The following DNAAF4 variants were observed in gnomAD, a reference collection of about 807,000 sequenced individuals.
DNAAF4 encodes dynein axonemal assembly factor 4.
DNAAF4 carries 43 observed loss-of-function variants against 51.8 expected under a neutral mutation model. The observed-to-expected ratio is 0.83, with a 90% CI of 0.65 to 1.07. The LOEUF (loss-of-function observed/expected upper bound fraction) is 1.07, where lower values mean the gene tolerates loss of function less well. Ranked by LOEUF, DNAAF4 falls within the 50% of genes least tolerant of loss-of-function variation. The pLI, the probability that DNAAF4 is intolerant of heterozygous loss-of-function variation, is 0.00. For synonymous variants in DNAAF4, 194 were observed against 165.6 expected (o/e 1.17, Z -1.32); for missense variants, 581 against 493.0 (o/e 1.18, Z -1.69).
chr15:55,433,918 AT>A (rs1324677216), intron 8 of DNAAF4, among the ~76,000 whole-genome samples: 51 of 10,236 alleles, frequency 5.0e-3, no homozygotes, highest in East Asian at 0.018. Context: ...ATATAATTAT[AT>A]ATATTATATT....
intron 6 of DNAAF4, 32 bp downstream of exon 6, chr15:55,450,190 G>C: frequency 6.4e-7 from 1 of 1,552,100 alleles, no homozygotes; most frequent in East Asian, 2.3e-5. Context: ...ATTTTCATTT[G>C]TGGTAATTGT....
chr15:55,503,545 A>G (rs981846787), intron 1 of DNAAF4, among the ~76,000 whole-genome samples: 1 of 152,212 alleles, frequency 6.6e-6, no homozygotes, highest in African/African-American at 2.4e-5. Context: ...GGCAAACCGA[A>G]TCCAGCAGCA....
Position 55,453,080 on chromosome 15 carries a change from C to T in DNAAF4, c.638-2713G>A, listed in dbSNP as rs572151713. ...GATCTCGTGAGCCACCCACCTTGGC[C>T]TCCCAAAGTGCTGGGATTACAGGCA... On this transcript the variant is annotated intron_variant, in intron 5 of 9. Coordinates refer to ENST00000321149, the MANE Select transcript of DNAAF4 (RefSeq NM_130810.4). Among the ~76,000 whole-genome samples the T allele has an allele frequency of 9.2e-5, 14 of 152,280 alleles. 1 individual carries two copies. The South Asian group carries it at 2.9e-3, about 32-fold the overall frequency.
At chr15:55,441,331 A>C (rs1595897553) in intron 6 of DNAAF4, among the ~76,000 whole-genome samples, 1 of 152,146 alleles carries the variant, frequency 6.6e-6, no homozygotes, top group Non-Finnish European at 1.5e-5. Context: ...CGGCCTCCCA[A>C]AGTGCTGGGA....
At chr15:55,428,482 TTC>T (rs1452449882), downstream of DNAAF4, among the ~76,000 whole-genome samples, 6 of 138,398 alleles carry the variant, frequency 4.3e-5, no homozygotes, top group Non-Finnish European at 6.1e-5. Context: ...TGTCTTTTTT[TTC>T]TTTTTTTTTT....
rs1017940359 is a variant in DNAAF4 at position 55,494,060 on chromosome 15, G to A, written c.272-2804C>T. ...TTTTTTTTTTTTGAGACTGAGTTTC[G>A]CTCTTGTTGCCCAGGCTGAAGTGCA... On this transcript the variant is annotated intron_variant, in intron 3 of 9. Transcript: ENST00000321149. 1.8e-4 allele frequency among the ~76,000 whole-genome samples: 27 copies of A among 146,160 alleles called. No homozygotes were observed. The East Asian group carries it at 3.2e-3, about 17-fold the overall frequency.
At chr15:55,470,760 G>C (rs919803294) in intron 4 of DNAAF4, among the ~76,000 whole-genome samples, 2 of 150,882 alleles carry the variant, frequency 1.3e-5, no homozygotes, top group African/African-American at 4.9e-5. Context: ...GCCCAGGCTG[G>C]TCTTGAACTC....
chr15:55,491,524 G>A (rs983233640), intron 3 of DNAAF4, among the ~76,000 whole-genome samples: 1 of 150,908 alleles, frequency 6.6e-6, no homozygotes, highest in Non-Finnish European at 1.5e-5. Context: ...CAGGTAATGA[G>A]AGGGAGAGGG....
chr15:55,443,107 G>A (rs1034836524), intron 6 of DNAAF4: 11 of 1,610,370 alleles, frequency 6.8e-6, no homozygotes, highest in African/African-American at 2.7e-5. Context: ...CCTTTCAGTA[G>A]GTGTACGTTT....
At chr15:55,430,809 C>A in intron 9 of DNAAF4, 30 bp from the exon 10 acceptor site, 1 of 1,493,066 alleles carries the variant, frequency 6.7e-7, no homozygotes, top group Non-Finnish European at 9.2e-7. Context: ...ATGATTAATA[C>A]AATAAATATT....
chr15:55,481,238 T>G (rs2058405823), intron 4 of DNAAF4, among the ~76,000 whole-genome samples: 1 of 152,122 alleles, frequency 6.6e-6, no homozygotes, highest in African/African-American at 2.4e-5. Context: ...GGCTTATATC[T>G]TTTCCTAGAG....
At chr15:55,457,443 C>T (rs1258003249) in intron 5 of DNAAF4, among the ~76,000 whole-genome samples, 1 of 152,138 alleles carries the variant, frequency 6.6e-6, no homozygotes, top group Admixed American at 6.5e-5. Context: ...TAACCTTGCC[C>T]CCACCTGATG....
At chr15:55,437,599 A>C (rs2057635408) in intron 7 of DNAAF4, among the ~76,000 whole-genome samples, 1 of 152,160 alleles carries the variant, frequency 6.6e-6, no homozygotes, top group Non-Finnish European at 1.5e-5. Flanking sequence ...GAATAAGTTA[A>C]AGAGTTTGAT....
intron 2 of DNAAF4, 65 bp from the exon 3 acceptor site, chr15:55,497,924 C>A: frequency 6.5e-7 from 1 of 1,543,096 alleles, no homozygotes; most frequent in Non-Finnish European, 8.7e-7. Flanking sequence ...TATTAAGAAA[C>A]ACGTGAAAAA....
At chr15:55,496,875 ACTC>A (rs767256366) in intron 3 of DNAAF4, among the ~76,000 whole-genome samples, 3 of 151,788 alleles carry the variant, frequency 2.0e-5, no homozygotes, top group Non-Finnish European at 4.4e-5. Context: ...TTTTGCCAGA[ACTC>A]CTCTTATCTG....
intron 7 of DNAAF4, among the ~76,000 whole-genome samples, chr15:55,438,881 T>G (rs930653291): frequency 6.6e-6 from 1 of 152,100 alleles, no homozygotes; most frequent in African/African-American, 2.4e-5. Context: ...AAAGGACTTA[T>G]GTCAAATGTA....
chr15:55,453,454 T>C (rs917791395), intron 5 of DNAAF4, among the ~76,000 whole-genome samples: 1 of 150,722 alleles, frequency 6.6e-6, no homozygotes, highest in Admixed American at 6.6e-5. Flanking sequence ...ATTTTAAACA[T>C]ACTTACTTAA....
intron 4 of DNAAF4, among the ~76,000 whole-genome samples, chr15:55,480,711 C>T (rs201539975): frequency 0.05 from 7,557 of 152,262 alleles, 255 homozygotes; most frequent in East Asian, 0.14. Flanking sequence ...GGGCTTCCAA[C>T]TTCTCTATCC....
chr15:55,462,226 C>T (rs1484502876), intron 5 of DNAAF4, among the ~76,000 whole-genome samples: 3 of 151,730 alleles, frequency 2.0e-5, no homozygotes, highest in Non-Finnish European at 2.9e-5. Context: ...GGGTCTTGTT[C>T]TCTTGCCCCC....
Sources: gnomAD v4.1 joint callset for allele counts (sites outside exome capture counted in the v4.1 genomes callset) on GRCh38, gnomAD v4.1.1 for gene constraint, MANE v1.5 for transcripts, NCBI Gene and HGNC (gene_info 2026-07-23, HGNC 2026-07-21) for gene names.